The following SLC5A4 variants were observed in gnomAD, a reference collection of about 807,000 sequenced individuals.
SLC5A4 encodes solute carrier family 5 member 4.
Under a neutral mutation model 70.3 loss-of-function variants are expected in SLC5A4, and 55 were observed. That is an observed-to-expected ratio of 0.78 (90% CI 0.63 to 0.98). The LOEUF (loss-of-function observed/expected upper bound fraction) is 0.98, where lower values mean the gene tolerates loss of function less well. Among genes scored for constraint, SLC5A4 ranks in the 50% least tolerant of loss-of-function variants. SLC5A4 has a pLI of 0.00. For missense variants in SLC5A4, 735 were observed against 839.2 expected (o/e 0.88, Z 1.53); for synonymous variants, 268 against 305.7 (o/e 0.88, Z 1.29).
chr22:32,307,076 A>C, the SLC5A4 span, among the ~76,000 whole-genome samples: 1 of 152,128 alleles, frequency 6.6e-6, no homozygotes, highest in Non-Finnish European at 1.5e-5. Flanking sequence ...TACCAACCCA[A>C]GGGTAACCAT....
upstream of SLC5A4, among the ~76,000 whole-genome samples, chr22:32,258,071 C>G (rs960239494): frequency 3.3e-5 from 5 of 152,032 alleles, no homozygotes; most frequent in African/African-American, 1.2e-4. Context: ...CTGCAGCCCC[C>G]ACCTCGCAGG....
At chr22:32,321,371 G>A in the SLC5A4 span, among the ~76,000 whole-genome samples, 18 of 152,284 alleles carry the variant, frequency 1.2e-4, no homozygotes, top group Middle Eastern at 3.4e-3. Context: ...AAAATCACTC[G>A]AATCCAGGGG....
chr22:32,233,295 A>G (rs951016719), intron 8 of SLC5A4, among the ~76,000 whole-genome samples: 3 of 152,172 alleles, frequency 2.0e-5, no homozygotes, highest in African/African-American at 7.2e-5. Flanking sequence ...ATACACAACA[A>G]CGAAGCCCTG....
chr22:32,338,198 C>T, the SLC5A4 span, among the ~76,000 whole-genome samples: 1 of 152,100 alleles, frequency 6.6e-6, no homozygotes, highest in African/African-American at 2.4e-5. Context: ...TGTACACAGA[C>T]AAGAACACCA....
chr22:32,349,827 T>C, the SLC5A4 span, among the ~76,000 whole-genome samples: 1 of 152,190 alleles, frequency 6.6e-6, no homozygotes, highest in Admixed American at 6.5e-5. Flanking sequence ...TATTTCTCTC[T>C]TTTTCTAAAT....
At chr22:32,253,746 A>G (rs1927303900) in intron 2 of SLC5A4, among the ~76,000 whole-genome samples, 1 of 152,026 alleles carries the variant, frequency 6.6e-6, no homozygotes, top group African/African-American at 2.4e-5. Flanking sequence ...ACCAATGTAC[A>G]TCAGAAATGA....
chr22:32,339,991 G>A, the SLC5A4 span, among the ~76,000 whole-genome samples: 1 of 152,212 alleles, frequency 6.6e-6, no homozygotes, highest in South Asian at 2.1e-4. Context: ...AGCATAGAGT[G>A]GCATCATCTC....
intron 3 of SLC5A4, 48 bp from the exon 4 acceptor site, chr22:32,248,850 C>G (rs1410810136): frequency 7.9e-7 from 1 of 1,271,436 alleles, no homozygotes; most frequent in Non-Finnish European, 1.2e-6. Flanking sequence ...AGAGGCTTGG[C>G]TTGTGGACCT....
chr22:32,331,136 CTG>C, the SLC5A4 span, among the ~76,000 whole-genome samples: 89 of 35,442 alleles, frequency 2.5e-3, no homozygotes, highest in Non-Finnish European at 4.2e-3. Flanking sequence ...TCTGGTGTGT[CTG>C]TGTGTTGGAG....
At chr22:32,274,401 T>C in the SLC5A4 span, among the ~76,000 whole-genome samples, 4 of 152,092 alleles carry the variant, frequency 2.6e-5, no homozygotes, top group Non-Finnish European at 5.9e-5. Context: ...TATGATGAAA[T>C]AGTACCCCTC....
intron 7 of SLC5A4, among the ~76,000 whole-genome samples, chr22:32,235,780 T>A (rs898465049): frequency 2.6e-5 from 4 of 152,304 alleles, no homozygotes; most frequent in African/African-American, 4.8e-5. Flanking sequence ...CTTTAAATGA[T>A]GAAAAATTCA....
At chr22:32,331,741 G>A in the SLC5A4 span, among the ~76,000 whole-genome samples, 18 of 152,088 alleles carry the variant, frequency 1.2e-4, no homozygotes, top group African/African-American at 2.2e-4. Context: ...AGCGACAGGC[G>A]GAGGGCAGGA....
chr22:32,288,148 C>T, the SLC5A4 span, among the ~76,000 whole-genome samples: 1 of 151,958 alleles, frequency 6.6e-6, no homozygotes, highest in Non-Finnish European at 1.5e-5. Context: ...CGGTGCCTAG[C>T]TTAAGAAGAC....
At chr22:32,274,041 A>G in the SLC5A4 span, among the ~76,000 whole-genome samples, 1 of 139,124 alleles carries the variant, frequency 7.2e-6, no homozygotes, top group Non-Finnish European at 1.5e-5. Context: ...TTGATATTCT[A>G]TTTTTTTTTT....
the SLC5A4 span, among the ~76,000 whole-genome samples, chr22:32,304,090 C>T: frequency 6.6e-6 from 1 of 152,146 alleles, no homozygotes; most frequent in Non-Finnish European, 1.5e-5. Flanking sequence ...GCCTGTGTAT[C>T]TTCTTTGGTC....
rs201777124 is a variant in SLC5A4 at position 32,251,845 on chromosome 22, G to A, written c.237C>T (p.Ile79=). The A allele has an allele frequency of 6.8e-6, 11 of 1,613,844 alleles. No homozygotes were observed. The highest frequency in any genetic ancestry group is 1.7e-5 in the Admixed American group (1 of 60,020). The change falls in exon 3 of 15, where the codon ATC becomes ATT. Residue 79 remains isoleucine, a synonymous_variant. Coordinates refer to ENST00000266086, the MANE Select transcript of SLC5A4 (RefSeq NM_014227.3). ...CCAGCCCCACATAGTGGTTGCTGCCGATGTTACTGGCAAAGAGAGAGGCGC... is the reference window on the plus strand; with the variant it reads ...CCAGCCCCACATAGTGGTTGCTGCCAATGTTACTGGCAAAGAGAGAGGCGC... ...PMGASLFASN[I]GSNHYVGLAG...
intron 5 of SLC5A4, among the ~76,000 whole-genome samples, chr22:32,239,297 T>G (rs893967104): frequency 1.3e-5 from 2 of 151,436 alleles, no homozygotes; most frequent in Non-Finnish European, 2.9e-5. Flanking sequence ...TGTAGTCGCA[T>G]AGAAGTTAGT....
At chr22:32,277,341 A>C in the SLC5A4 span, among the ~76,000 whole-genome samples, 1 of 152,220 alleles carries the variant, frequency 6.6e-6, no homozygotes, top group Non-Finnish European at 1.5e-5. Flanking sequence ...TCTCCCGGAA[A>C]TGATAGGTTA....
chr22:32,306,906 GAGGC>G, the SLC5A4 span, among the ~76,000 whole-genome samples: 1 of 115,292 alleles, frequency 8.7e-6, no homozygotes, highest in Non-Finnish European at 1.9e-5. Context: ...ATTCCAAGAA[GAGGC>G]GCTCTCTCTT....
Sources: gnomAD v4.1 joint callset for allele counts (sites outside exome capture counted in the v4.1 genomes callset) on GRCh38, gnomAD v4.1.1 for gene constraint, MANE v1.5 for transcripts, NCBI Gene and HGNC (gene_info 2026-07-23, HGNC 2026-07-21) for gene names.